TEP1: variants seen among roughly 807,000 people sequenced by gnomAD.
TEP1 encodes the protein telomerase protein component 1.
In TEP1, 241 loss-of-function variants were observed where a neutral mutation model predicts 306.3. That is an observed-to-expected ratio of 0.79 (90% CI 0.71 to 0.88). TEP1 has a LOEUF of 0.88. TEP1 is among the 40% of genes least tolerant of loss of function. The pLI, the probability that TEP1 is intolerant of heterozygous loss-of-function variation, is 0.00. For missense variants in TEP1, 3,051 were observed against 3,276.1 expected, an observed-to-expected ratio of 0.93 and a Z score of 1.68; for synonymous variants, 1,289 against 1,305.5, an observed-to-expected ratio of 0.99 and a Z score of 0.27.
At chr14:20,392,073 T>A (rs1877777534) in intron 12 of TEP1, among the ~76,000 whole-genome samples, 1 of 152,240 alleles carries the variant, frequency 6.6e-6, no homozygotes, top group African/African-American at 2.4e-5. Flanking sequence ...AATGGCTACA[T>A]AGTTTTAAAT....
chr14:20,396,351 G>C (rs1403488095), intron 10 of TEP1, among the ~76,000 whole-genome samples: 1 of 152,220 alleles, frequency 6.6e-6, no homozygotes, highest in African/African-American at 2.4e-5. Context: ...CATCACACAA[G>C]TGTCTCTTCC....
chr14:20,409,617 G>A (rs906456541), intron 1 of TEP1, among the ~76,000 whole-genome samples: 2 of 152,120 alleles, frequency 1.3e-5, no homozygotes, highest in African/African-American at 4.8e-5. Context: ...TTGCCCACTG[G>A]AGTTGGAAGT....
In TEP1 at chr14:20,378,075, C is replaced by T. The variant is rs748688616; in HGVS notation, c.5670G>A (p.Ala1890=). Residue 1890 remains alanine, a synonymous_variant, in exon 39 of 55, where the codon GCG becomes GCA. Transcript: ENST00000262715. ...FPAHHGFVAA[A]LFLHAGCQLL... is the part of the protein sequence containing the mutation. ...ACTGGCAACCCGCATGCAGGAAAAG[C>T]GCAGCAGCAACAAAGCCATGGTGGG... 20 of 1,613,722 alleles carry T rather than the reference C, an allele frequency of 1.2e-5. No individual in the cohort carries two copies. Among genetic ancestry groups the T allele is most frequent in the South Asian group, 5.5e-5 (5 of 91,086 alleles).
intron 1 of TEP1, 38 bp from the exon 2 acceptor site, chr14:20,408,501 G>A: frequency 6.7e-7 from 1 of 1,503,310 alleles, no homozygotes; most frequent in Non-Finnish European, 9.0e-7. Context: ...GCACCTGGCT[G>A]CACTGAGCGT....
chr14:20,383,440 C>G (rs1566456153), intron 26 of TEP1, 48 bp downstream of exon 26: 1 of 1,613,028 alleles, frequency 6.2e-7, no homozygotes, highest in Non-Finnish European at 8.5e-7. Flanking sequence ...CCGTATCCCT[C>G]CTTCTCCCCA....
Position 20,373,776 on chromosome 14 carries a change from G to A in TEP1, c.6506C>T (p.Thr2169Ile). The A allele has an allele frequency of 6.2e-7, 1 of 1,613,768 alleles. No individual in the cohort carries two copies. Among genetic ancestry groups the A allele is most frequent in the Non-Finnish European group, 8.5e-7 (1 of 1,180,024 alleles). ...EHVVSVSRDG[T>I]LKVWDHQGVE... ...GCCTTGATGGTCCCACACTTTCAAGGTCCCATCCCGGCTCACAGACACCAC... is the reference window on the plus strand; with the variant it reads ...GCCTTGATGGTCCCACACTTTCAAGATCCCATCCCGGCTCACAGACACCAC... The change falls in exon 45 of 55, where the codon ACC becomes ATC. Residue 2169 changes from threonine to isoleucine, a missense_variant. Thr to Ile is a moderately conservative substitution (Grantham distance 89). Transcript: ENST00000262715.
chr14:20,406,572 C>T (rs149539721), intron 2 of TEP1, among the ~76,000 whole-genome samples, 172 bp from the exon 3 acceptor site: 20 of 152,318 alleles, frequency 1.3e-4, no homozygotes, highest in African/African-American at 4.8e-4. Flanking sequence ...TGACTTACTG[C>T]TCTCACACAC....
At position 20,381,124 on chromosome 14, in the gene TEP1, C is replaced by T. The variant is rs1876486274; in HGVS notation, c.4648-79G>A. 7.7e-7 allele frequency: 1 copy of T among 1,290,506 alleles called. No homozygotes were observed. Among genetic ancestry groups the T allele is most frequent in the Non-Finnish European group, 1.1e-6 (1 of 888,224 alleles). 79.9% of individuals were successfully genotyped at this position (1,290,506 alleles called of 1,614,324 possible). ...ACAGTTTAGTCTCAGAACCTGGATA[C>T]AGAGATAGGATCTGAGCTGGGACAA... On this transcript the variant is annotated intron_variant, in intron 32 of 54. Coordinates refer to ENST00000262715, the MANE Select transcript of TEP1 (RefSeq NM_007110.5). This position sits in a 1 kb window ranked among gnomAD's most constrained non-coding sequence, Gnocchi z 4.0.
chr14:20,394,294 A>G (rs904473109), intron 12 of TEP1, among the ~76,000 whole-genome samples: 1 of 152,172 alleles, frequency 6.6e-6, no homozygotes, highest in African/African-American at 2.4e-5. Flanking sequence ...AAACATTTTC[A>G]TGTCAGCCTG....
At chr14:20,402,055 C>T (rs1878803884) in intron 7 of TEP1, among the ~76,000 whole-genome samples, 1 of 152,152 alleles carries the variant, frequency 6.6e-6, no homozygotes, top group Non-Finnish European at 1.5e-5. Flanking sequence ...GCAGGTGGAT[C>T]ATTTGAATCC....
intron 41 of TEP1, 112 bp from the exon 42 acceptor site, chr14:20,376,376 A>AGAG: frequency 8.9e-7 from 1 of 1,125,026 alleles, no homozygotes; most frequent in South Asian, 1.6e-5. Flanking sequence ...CCTGAGGCTC[A>AGAG]GCTCCATGGG....
chr14:20,394,340 T>C (rs1430118735), intron 12 of TEP1, among the ~76,000 whole-genome samples: 4 of 152,198 alleles, frequency 2.6e-5, no homozygotes, highest in Admixed American at 6.5e-5. Context: ...TTCACACTCT[T>C]TTTTCAGACT....
At position 20,377,357 on chromosome 14, in the gene TEP1, G is replaced by T; in HGVS notation, c.6011C>A (p.Ser2004Tyr). ...CTGGAATCTGGACAGGAGCCAGAGG[G>T]ACTGAAGGGAGCATTCCTTGAGTGC... ...GWALKECSLQ[S>Y]LWLLSRFQKP... Residue 2004 changes from serine to tyrosine, a missense_variant, in exon 41 of 55, where the codon TCC (serine) becomes TAC (tyrosine). By Grantham distance (144) the Ser-to-Tyr change is moderately radical. Around this residue, in one of 3 missense-constraint regions of TEP1, gnomAD observed 1,540 missense variants for 1,705.9 expected, o/e 0.90. Coordinates refer to ENST00000262715, the MANE Select transcript of TEP1 (RefSeq NM_007110.5). 14 of 1,614,186 alleles carry T rather than the reference G, an allele frequency of 8.7e-6. No individual in the cohort carries two copies. The highest frequency in any genetic ancestry group is 1.2e-5 in the Non-Finnish European group (14 of 1,180,032).
Position 20,380,393 on chromosome 14 carries a change from T to G in TEP1, c.4845A>C (p.Ser1615=), listed in dbSNP as rs1467371724. The part of the protein sequence containing the change: ...VFRTFLRQQA[S]ILSQYPRLLP... ...GGAGCCGGGGGTACTGGCTGAGGAT[T>G]GAAGCCTGCTGCCTCAGGAAGGTGC... is the stretch of plus-strand genomic sequence containing the variant. Residue 1615 remains serine, a synonymous_variant, in exon 34 of 55, where the codon TCA becomes TCC. Coordinates refer to ENST00000262715, the MANE Select transcript of TEP1 (RefSeq NM_007110.5). 1 of 1,614,186 alleles carries G rather than the reference T, an allele frequency of 6.2e-7. No individual in the cohort carries two copies. The highest frequency in any genetic ancestry group is 1.1e-5 in the South Asian group (1 of 91,078).
chr14:20,372,753 A>G lies in TEP1; in HGVS notation c.7056T>C (p.Gly2352=), dbSNP rs1884921966. ...TTCACCTCAAATTTCCGGGTGCCGAACCCTTCCGCAGTTTCACTTGCCACT... is the reference window on the plus strand; with the variant it reads ...TTCACCTCAAATTTCCGGGTGCCGAGCCCTTCCGCAGTTTCACTTGCCACT... ...ISEWQVKLRK[G]SAPGNLSLHL... The change falls in exon 49 of 55, where the codon GGT becomes GGC. Residue 2352 remains glycine (G), a synonymous_variant. Transcript: ENST00000262715. 6.2e-7 allele frequency: 1 copy of G among 1,613,986 alleles called. No individual in the cohort carries two copies. Among genetic ancestry groups the G allele is most frequent in the Non-Finnish European group, 8.5e-7 (1 of 1,180,014 alleles).
Position 20,382,695 on chromosome 14 carries a change from C to A in TEP1, c.4068G>T (p.Lys1356Asn). ...FNNQMRLLLV[K>N]RESGRPLYLR... Reference sequence around the variant, plus strand: ...GGTAGAGCGGCCGGCCTGATTCCCGCTTCACCAGCAGCAGTCGCATCTGGC... The same window carrying A: ...GGTAGAGCGGCCGGCCTGATTCCCGATTCACCAGCAGCAGTCGCATCTGGC... Residue 1356 changes from lysine (K) to asparagine (N), a missense_variant, in exon 28 of 55, where the codon AAG becomes AAT. Physicochemically the swap from Lys to Asn is moderately conservative, Grantham distance 94 (BLOSUM62 0). This residue lies in a region of TEP1 where 1,540 missense variants were observed against 1,705.9 expected (regional missense o/e 0.90). Transcript: ENST00000262715. 3 of 1,614,086 alleles carry A rather than the reference C, an allele frequency of 1.9e-6. No homozygotes were observed. Among genetic ancestry groups the A allele is most frequent in the Non-Finnish European group, 2.5e-6 (3 of 1,179,994 alleles).
chr14:20,404,567 A>G, intron 5 of TEP1, 44 bp downstream of exon 5: 1 of 1,580,350 alleles, frequency 6.3e-7, no homozygotes, highest in Middle Eastern at 1.7e-4. Context: ...GCATAAGAGA[A>G]GGAATGAAGT....
chr14:20,379,812 G>A, intron 35 of TEP1, 118 bp downstream of exon 35: 2 of 1,344,564 alleles, frequency 1.5e-6, no homozygotes, highest in South Asian at 3.0e-5. Flanking sequence ...TGATGTGCAG[G>A]CAGTAAAGTT....
intron 9 of TEP1, chr14:20,400,760 T>A (rs900655387): frequency 1.7e-5 from 9 of 541,612 alleles, no homozygotes; most frequent in Non-Finnish European, 2.6e-5. Context: ...AACTTGTACA[T>A]CACCTAACTA....
Sources: allele counts gnomAD v4.1 joint callset (sites outside exome capture counted in the v4.1 genomes callset), GRCh38; gene constraint gnomAD v4.1.1; regional missense constraint gnomAD v4.1.1; non-coding constraint Gnocchi (gnomAD v3.1); transcripts MANE v1.5; gene names NCBI Gene and HGNC (gene_info 2026-07-23, HGNC 2026-07-21).